PLXNB3: variants seen among roughly 807,000 people sequenced by gnomAD.
The protein encoded by PLXNB3 is plexin B3.
A neutral mutation model predicts 125.7 loss-of-function variants in PLXNB3; 80 were observed. The ratio of observed to expected loss-of-function variants is 0.64; its 90% confidence interval spans 0.53 to 0.77. PLXNB3 has a LOEUF of 0.77. PLXNB3 is among the 30% of genes least tolerant of loss of function. The pLI is 0.00. For missense variants in PLXNB3, 1,836 were observed against 1,729.3 expected (o/e 1.06, Z -1.09); for synonymous variants, 954 against 783.3 (o/e 1.22, Z -3.64).
chrX:153,766,616 C>A, intron 2 of PLXNB3: 1 of 1,061,021 alleles, frequency 9.4e-7, no homozygotes, highest in Non-Finnish European at 1.2e-6. Flanking sequence ...TCCTTGTGTG[C>A]TTGTGCGTGC....
chrX:153,775,501 C>T, intron 25 of PLXNB3, 93 bp from the exon 26 acceptor site: 1 of 1,127,447 alleles, frequency 8.9e-7, no homozygotes, highest in South Asian at 1.9e-5. Context: ...CGGGTGGGGC[C>T]AGGAAGCCCC....
At position 153,770,547 on chromosome X, in the gene PLXNB3, A is replaced by G; in HGVS notation, c.1915A>G (p.Ser639Gly). 1 of 1,211,255 alleles carries G rather than the reference A, an allele frequency of 8.3e-7. No homozygotes were observed. The highest frequency in any genetic ancestry group is 2.2e-5 in the Admixed American group (1 of 46,159). The change falls in exon 10 of 36, where the codon AGC (serine) becomes GGC (glycine). Residue 639 changes from serine (S) to glycine (G), a missense_variant. Coordinates refer to ENST00000361971, the MANE Select transcript of PLXNB3 (RefSeq NM_005393.3). ...CTCTAGGTGTCGCGCTTGCGTGGGC[A>G]GCATCTGGCGGTGTCACTGGTGCCC... ...AAAPCRACVG[S>G]IWRCHWCPQS...
chrX:153,778,543 T>C (rs1557065380), intron 34 of PLXNB3, 57 bp from the exon 35 acceptor site: 18 of 1,178,544 alleles, frequency 1.5e-5, no homozygotes. Flanking sequence ...GGGGGGAGAC[T>C]TGGGGCTTGA....
rs781991732 is a variant in PLXNB3, at chrX:153,767,077, G to C, written c.250G>C (p.Glu84Gln). 3.3e-6 allele frequency: 4 copies of C among 1,210,459 alleles called. No homozygotes were observed. The highest frequency in any genetic ancestry group is 4.5e-6 in the Non-Finnish European group (4 of 895,255). Residue 84 changes from glutamate (E) to glutamine (Q), a missense_variant, in exon 3 of 36, where the codon GAG becomes CAG. Coordinates refer to ENST00000361971, the MANE Select transcript of PLXNB3 (RefSeq NM_005393.3). ...LFQLSPELQL[E>Q]AVAVTGPVID... Reference sequence around the variant, plus strand: ...CCAGCTCAGCCCCGAGCTGCAGCTCGAGGCCGTGGCTGTCACTGGCCCTGT... The same window carrying C: ...CCAGCTCAGCCCCGAGCTGCAGCTCCAGGCCGTGGCTGTCACTGGCCCTGT...
rs1029322227 is a variant in PLXNB3, at chrX:153,769,260, C to A, written c.1494C>A (p.Gly498=). The A allele has an allele frequency of 1.7e-6, 2 of 1,155,643 alleles. No individual in the cohort carries two copies. The highest frequency in any genetic ancestry group is 3.8e-5 in the South Asian group (2 of 52,284). ...DPLCGWCVLQ[G]RCTRKGQCGR... is the part of the protein sequence containing the mutation. ...TGTGTGGCTGGTGTGTCCTCCAGGG[C>A]AGGTGAGCACGGGGCCTGTGCCTAG... Residue 498 remains glycine, a splice_region_variant and synonymous_variant, in exon 6 of 36, where the codon GGC becomes GGA. Transcript: ENST00000361971.
Position 153,770,214 on chromosome X carries a change from C to A in PLXNB3, c.1752C>A (p.Pro584=). The part of the protein sequence containing the change: ...EGPHVACVTP[P]QDQVPLNPPG... ...CCCACGTGGCCTGTGTCACCCCTCC[C>A]CAAGACCAGGTGCCACTTAACCCTC... Residue 584 remains proline (P), a synonymous_variant, in exon 8 of 36, where the codon CCC becomes CCA. Coordinates refer to ENST00000361971, the MANE Select transcript of PLXNB3 (RefSeq NM_005393.3). 1 of 1,211,247 alleles carries A rather than the reference C, an allele frequency of 8.3e-7. No individual in the cohort carries two copies. The highest frequency in any genetic ancestry group is 1.1e-6 in the Non-Finnish European group (1 of 895,522).
rs1557063692 is a variant in PLXNB3 at position 153,775,330 on chromosome X, G to A, written c.4261G>A (p.Asp1421Asn). Reference sequence around the variant, plus strand: ...ACACGGCAAGCTGGAGTACCTGACGGACATCATGAGGACCCTGCTGGGTGA... The same window carrying A: ...ACACGGCAAGCTGGAGTACCTGACGAACATCATGAGGACCCTGCTGGGTGA... ...ALHGKLEYLT[D>N]IMRTLLGDLA... Residue 1421 changes from aspartate to asparagine, a missense_variant, in exon 25 of 36, where the codon GAC (aspartate) becomes AAC (asparagine). Transcript: ENST00000361971. The A allele has an allele frequency of 2.5e-6, 3 of 1,209,642 alleles. No homozygotes were observed. Among genetic ancestry groups the A allele is most frequent in the East Asian group, 5.9e-5 (2 of 33,786 alleles).
Position 153,775,059 on chromosome X carries a change from A to C in PLXNB3, c.4111A>C (p.Thr1371Pro). ...CTGTGCCACTGTGCGCCAGGGCCTC[A>C]CGCAGCTCTCCAACCTGCTCAACAG... is the stretch of plus-strand genomic sequence containing the variant. ...GHCATVRQGL[T>P]QLSNLLNSKL... is the part of the protein sequence containing the mutation. Residue 1371 changes from threonine (T) to proline (P), a missense_variant, in exon 24 of 36, where the codon ACG (threonine) becomes CCG (proline). Transcript: ENST00000361971. The C allele has an allele frequency of 1.7e-6, 2 of 1,209,266 alleles. No homozygotes were observed. The highest frequency in any genetic ancestry group is 2.2e-6 in the Non-Finnish European group (2 of 894,393).
Position 153,774,826 on chromosome X carries a change from G to C in PLXNB3, c.3931+20G>C. On this transcript the variant is annotated intron_variant, in intron 23 of 35. Coordinates refer to ENST00000361971, the MANE Select transcript of PLXNB3 (RefSeq NM_005393.3). ...TCACAGGTGGGTGCGGAGGCGGGGGGACAGGGTACCCACGAGGCCTGAACT... is the reference window on the plus strand; with the variant it reads ...TCACAGGTGGGTGCGGAGGCGGGGGCACAGGGTACCCACGAGGCCTGAACT... 8.3e-7 allele frequency: 1 copy of C among 1,209,661 alleles called. No homozygotes were observed. The highest frequency in any genetic ancestry group is 1.1e-6 in the Non-Finnish European group (1 of 894,614).
rs959122059 is a variant in PLXNB3, at chrX:153,766,116, C to T, written c.45+536C>T. On this transcript the variant is annotated intron_variant, in intron 2 of 35. Transcript: ENST00000361971. ...GGGCAGGAGCAGGCCTCCCCGCACCCCTGAAGCCTGTGTTGTCTCTTGACA... is the reference window on the plus strand; with the variant it reads ...GGGCAGGAGCAGGCCTCCCCGCACCTCTGAAGCCTGTGTTGTCTCTTGACA... 119 of 1,086,064 alleles carry T rather than the reference C, an allele frequency of 1.1e-4. No individual in the cohort carries two copies. In the African/African-American group the frequency reaches 2.0e-3, roughly 18 times the overall value. The allele number at this position is 1,086,064 out of a possible 1,213,427, so 89.5% of individuals were successfully genotyped here.
rs781996046 is a variant in PLXNB3 at position 153,775,179 on chromosome X, G to C, written c.4156-46G>C. 7 of 1,148,880 alleles carry C rather than the reference G, an allele frequency of 6.1e-6. No individual in the cohort carries two copies. In the African/African-American group the frequency reaches 1.2e-4, roughly 20 times the overall value. 94.7% of individuals were successfully genotyped at this position (1,148,880 alleles called of 1,213,427 possible). ...GAACTACTGGCCTGAGACAAAGGTG[G>C]GGGAGGAGTGGGGCTTCCCAGGATG... On this transcript the variant is annotated intron_variant, in intron 24 of 35. Coordinates refer to ENST00000361971, the MANE Select transcript of PLXNB3 (RefSeq NM_005393.3).
In PLXNB3 at chrX:153,778,287, C is replaced by A; in HGVS notation, c.5436C>A (p.Tyr1812Ter). The part of the protein sequence containing the change: ...GRDSPVNKLL[Y>*]AREIPRYKQM... Reference sequence around the variant, plus strand: ...ATTCCCCAGTGAACAAACTGCTCTACGCCCGGGAGATCCCACGCTACAAGC... The same window carrying A: ...ATTCCCCAGTGAACAAACTGCTCTAAGCCCGGGAGATCCCACGCTACAAGC... The change falls in exon 33 of 36, where the codon TAC becomes TAA. Residue 1812 changes from tyrosine to a stop codon, truncating the protein, a stop_gained. Coordinates refer to ENST00000361971, the MANE Select transcript of PLXNB3 (RefSeq NM_005393.3). LOFTEE classifies it high-confidence loss of function. The A allele has an allele frequency of 8.3e-7, 1 of 1,199,928 alleles. No individual in the cohort carries two copies. The highest frequency in any genetic ancestry group is 1.1e-6 in the Non-Finnish European group (1 of 888,001).
rs782420793 is a variant in PLXNB3, at chrX:153,776,127, A to G, written c.4642A>G (p.Ile1548Val). ...VPARVLDTDT[I>V]TQVKEKVLDQ... The stretch of plus-strand genomic sequence containing the variant: ...AGCCCGGGTGCTCGACACGGACACC[A>G]TCACCCAGGTCAAGGAGAAGGTGTT... Residue 1548 changes from isoleucine to valine, a missense_variant, in exon 27 of 36, where the codon ATC (isoleucine) becomes GTC (valine). Ile to Val is a conservative substitution (Grantham distance 29). Transcript: ENST00000361971. 7 of 1,204,583 alleles carry G rather than the reference A, an allele frequency of 5.8e-6. No individual in the cohort carries two copies. The highest frequency in any genetic ancestry group is 7.8e-6 in the Non-Finnish European group (7 of 892,485).
Position 153,770,194 on chromosome X carries a change from G to A in PLXNB3, c.1732G>A (p.Val578Met), listed in dbSNP as rs782803101. 1.9e-5 allele frequency: 23 copies of A among 1,209,806 alleles called. No homozygotes were observed. Among genetic ancestry groups the A allele is most frequent in the Middle Eastern group, 2.3e-4 (1 of 4,376 alleles). The change falls in exon 8 of 36, where the codon GTG (valine) becomes ATG (methionine). Residue 578 changes from valine (V) to methionine (M), a missense_variant. By Grantham distance (21) the Val-to-Met change is conservative. Transcript: ENST00000361971. The part of the protein sequence containing the change: ...DSLAHVEGPH[V>M]ACVTPPQDQV... Reference sequence around the variant, plus strand: ...CTTGGCTCATGTGGAAGGGCCCCACGTGGCCTGTGTCACCCCTCCCCAAGA... The same window carrying A: ...CTTGGCTCATGTGGAAGGGCCCCACATGGCCTGTGTCACCCCTCCCCAAGA...
chrX:153,767,088 T>C lies in PLXNB3; in HGVS notation c.261T>C (p.Ala87=). The change falls in exon 3 of 36, where the codon GCT becomes GCC. Residue 87 remains alanine, a synonymous_variant. Transcript: ENST00000361971. The stretch of plus-strand genomic sequence containing the variant: ...CCGAGCTGCAGCTCGAGGCCGTGGC[T>C]GTCACTGGCCCTGTAATCGACAGCC... ...LSPELQLEAV[A]VTGPVIDSPD... The C allele has an allele frequency of 1.7e-6, 2 of 1,210,526 alleles. No individual in the cohort carries two copies. Among genetic ancestry groups the C allele is most frequent in the Non-Finnish European group, 2.2e-6 (2 of 895,059 alleles).
Position 153,776,374 on chromosome X carries a change from C to T in PLXNB3, c.4748C>T (p.Ala1583Val), listed in dbSNP as rs782484213. The T allele has an allele frequency of 8.4e-7, 1 of 1,195,675 alleles. No homozygotes were observed. The highest frequency in any genetic ancestry group is 1.1e-6 in the Non-Finnish European group (1 of 886,223). ...CCTCCAGAGTGGCGCTCAGGCCTGG[C>T]TGGTCACCTGACCCTATCGGACGAA... The part of the protein sequence containing the change: ...ALDLEWRSGL[A>V]GHLTLSDEDL... The change falls in exon 28 of 36, where the codon GCT (alanine) becomes GTT (valine). Residue 1583 changes from alanine (A) to valine (V), a missense_variant. Coordinates refer to ENST00000361971, the MANE Select transcript of PLXNB3 (RefSeq NM_005393.3).
chrX:153,770,375 C>T lies in PLXNB3; in HGVS notation c.1824C>T (p.Asp608=), dbSNP rs781841012. Residue 608 remains aspartate, a synonymous_variant, in exon 9 of 36, where the codon GAC becomes GAT. Transcript: ENST00000361971. ...VTVPLALMFE[D]VTVAATNFSF... The stretch of plus-strand genomic sequence containing the variant: ...TGCCCCTGGCCCTGATGTTCGAGGA[C>T]GTGACTGTGGCTGCCACCAACTTCT... 1.9e-5 allele frequency: 23 copies of T among 1,209,529 alleles called. No individual in the cohort carries two copies. The highest frequency in any genetic ancestry group is 2.3e-4 in the Middle Eastern group (1 of 4,372).
Position 153,777,515 on chromosome X carries a change from C to T in PLXNB3, c.5101-13C>T. 1 of 1,210,247 alleles carries T rather than the reference C, an allele frequency of 8.3e-7. No individual in the cohort carries two copies. Among genetic ancestry groups the T allele is most frequent in the South Asian group, 1.8e-5 (1 of 56,845 alleles). On this transcript the variant is annotated splice_polypyrimidine_tract_variant and intron_variant, in intron 30 of 35. Transcript: ENST00000361971. ...CCCTGCCCTCCACACAGCCCTTATC[C>T]CCTGCCTCGCAGGGCACGCTGCAGA... is the stretch of plus-strand genomic sequence containing the variant.
In PLXNB3 at chrX:153,766,878, C is replaced by T. The variant is rs200251935; in HGVS notation, c.51C>T (p.Pro17=). The T allele has an allele frequency of 1.1e-4, 129 of 1,193,995 alleles. No homozygotes were observed. Among genetic ancestry groups the T allele is most frequent in the Non-Finnish European group, 1.3e-4 (114 of 888,464 alleles). Residue 17 remains proline (P), a synonymous_variant, in exon 3 of 36, where the codon CCC becomes CCT. Coordinates refer to ENST00000361971, the MANE Select transcript of PLXNB3 (RefSeq NM_005393.3). ...TGACCTGTGCCCTCTCACAGGCCCC[C>T]GTGATGGCTCGCTGGCCTCCCTTCG... The part of the protein sequence containing the change: ...ETPLLHHFMA[P]VMARWPPFGL...
Sources: gnomAD v4.1 joint callset for allele counts on GRCh38, gnomAD v4.1.1 for gene constraint, MANE v1.5 for transcripts, NCBI Gene and HGNC (gene_info 2026-07-23, HGNC 2026-07-21) for gene names.